The following SCARA3 variants were observed in gnomAD, a reference collection of about 807,000 sequenced individuals.
SCARA3 encodes the protein cellular stress response gene protein.
Under a neutral mutation model 47.0 loss-of-function variants are expected in SCARA3, and 39 were observed. The ratio of observed to expected loss-of-function variants is 0.83; its 90% CI spans 0.64 to 1.08. The LOEUF (loss-of-function observed/expected upper bound fraction) is 1.08. SCARA3 is among the 50% of genes least tolerant of loss of function. SCARA3 has a pLI of 0.00. For synonymous variants in SCARA3, 356 were observed against 334.1 expected (o/e 1.07, Z -0.71); for missense variants, 724 against 792.3 (o/e 0.91, Z 1.04).
rs528248820 is a variant in SCARA3 at position 27,658,864 on chromosome 8, G to T, written c.694G>T (p.Glu232Ter). Residue 232 changes from glutamate to a stop codon, truncating the protein, a stop_gained, in exon 5 of 6, where the codon GAG becomes TAG. Coordinates refer to ENST00000301904, the MANE Select transcript of SCARA3 (RefSeq NM_016240.3). LOFTEE classifies it high-confidence loss of function. ...QINFTVGQTS[E>*]WIHGIQRKTD... ...CAACTTCACCGTGGGGCAGACTTCCGAGTGGATCCACGGGATCCAGCGGAA... is the reference window on the plus strand; with the variant it reads ...CAACTTCACCGTGGGGCAGACTTCCTAGTGGATCCACGGGATCCAGCGGAA... 3 of 1,614,152 alleles carry T rather than the reference G, an allele frequency of 1.9e-6. No individual in the cohort carries two copies. Among genetic ancestry groups the T allele is most frequent in the South Asian group, 2.2e-5 (2 of 91,066 alleles).
chr8:27,731,265 T>G, the SCARA3 span, among the ~76,000 whole-genome samples: 1 of 151,078 alleles, frequency 6.6e-6, no homozygotes, highest in Non-Finnish European at 1.5e-5. Context: ...AATTTTTATA[T>G]TATTATTATT....
chr8:27,703,844 C>CTTTTTTTTTTTTTTTTTTT, the SCARA3 span: 2 of 54,524 alleles, frequency 3.7e-5, no homozygotes, highest in Admixed American at 2.8e-4. Context: ...GTGCTTTCTA[C>CTTTTTTTTTTTTTTTTTTT]TTTTTTTTTT....
intron 5 of SCARA3, among the ~76,000 whole-genome samples, chr8:27,665,470 G>A (rs1356246140): frequency 1.3e-5 from 2 of 152,174 alleles, no homozygotes; most frequent in African/African-American, 4.8e-5. Flanking sequence ...CTATCATTTG[G>A]GAATTGTAGA....
chr8:27,689,677 C>G, the SCARA3 span, among the ~76,000 whole-genome samples: 2 of 152,206 alleles, frequency 1.3e-5, no homozygotes, highest in Non-Finnish European at 2.9e-5. Context: ...TGGGTCCTTG[C>G]AGGGCCCCAG....
the SCARA3 span, among the ~76,000 whole-genome samples, chr8:27,731,229 A>C: frequency 3.3e-5 from 5 of 151,204 alleles, no homozygotes; most frequent in Non-Finnish European, 4.4e-5. Context: ...CCTCCTGAGT[A>C]GCTAGGACTA....
At chr8:27,692,209 C>T in the SCARA3 span, among the ~76,000 whole-genome samples, 1 of 152,038 alleles carries the variant, frequency 6.6e-6, no homozygotes, top group Non-Finnish European at 1.5e-5. Context: ...CACCTGAGGT[C>T]GGGAGTTCGA....
At chr8:27,655,784 T>C (rs576407147) in intron 3 of SCARA3, among the ~76,000 whole-genome samples, 60 of 152,320 alleles carry the variant, frequency 3.9e-4, no homozygotes, top group African/African-American at 1.3e-3. Context: ...TGCTGTATTA[T>C]TTATATAGAG....
intron 1 of SCARA3, among the ~76,000 whole-genome samples, chr8:27,634,586 C>T (rs1256060891): frequency 6.6e-6 from 1 of 152,148 alleles, no homozygotes; most frequent in Non-Finnish European, 1.5e-5. Context: ...TCAGAGAGGC[C>T]CCTGCATCCC....
At chr8:27,700,880 CTA>C in the SCARA3 span, among the ~76,000 whole-genome samples, 1 of 152,230 alleles carries the variant, frequency 6.6e-6, no homozygotes, top group South Asian at 2.1e-4. Context: ...AGGTGATTTC[CTA>C]TAAATCTGAA....
At chr8:27,638,677 T>C (rs1472636323) in intron 1 of SCARA3, among the ~76,000 whole-genome samples, 2 of 152,096 alleles carry the variant, frequency 1.3e-5, no homozygotes, top group Non-Finnish European at 2.9e-5. Context: ...GCTCTGTATG[T>C]CTATATATGT....
intron 1 of SCARA3, 71 bp from the exon 2 acceptor site, chr8:27,649,631 C>A: frequency 1.4e-6 from 2 of 1,403,112 alleles, no homozygotes; most frequent in Non-Finnish European, 2.0e-6. Context: ...GATATGGGGA[C>A]AGGTAAATAA....
At position 27,672,164 on chromosome 8, in the gene SCARA3, C is replaced by T. The variant is rs757586083; in HGVS notation, c.*813C>T. 6.1e-6 allele frequency: 6 copies of T among 985,464 alleles called. No homozygotes were observed. The highest frequency in any genetic ancestry group is 5.2e-4 in the Middle Eastern group (1 of 1,914). 61.0% of individuals were successfully genotyped at this position (985,464 alleles called of 1,614,324 possible). ...TGTCTGTCACAGCACAGTGGGGCCA[C>T]GAGGCTGACATTCTCTGGCCTTGCA... On this transcript the variant is annotated 3_prime_UTR_variant, in exon 6 of 6. Transcript: ENST00000301904.
the SCARA3 span, among the ~76,000 whole-genome samples, chr8:27,684,664 CAAAAAA>C: frequency 1.4e-5 from 2 of 141,498 alleles, no homozygotes; most frequent in Admixed American, 7.0e-5. Context: ...AAGGCTGTGT[CAAAAAA>C]AAAAAAAAGG....
the SCARA3 span, among the ~76,000 whole-genome samples, chr8:27,710,146 CT>C: frequency 6.7e-6 from 1 of 149,852 alleles, no homozygotes; most frequent in Non-Finnish European, 1.5e-5. Flanking sequence ...AGGAGAACTG[CT>C]TGAACCTGGG....
At chr8:27,728,130 G>T in the SCARA3 span, among the ~76,000 whole-genome samples, 1 of 152,236 alleles carries the variant, frequency 6.6e-6, no homozygotes, top group Non-Finnish European at 1.5e-5. Flanking sequence ...TTAGCAAGTG[G>T]TTTCCCTCGA....
chr8:27,669,629 G>A (rs1802099999), intron 5 of SCARA3, among the ~76,000 whole-genome samples: 3 of 152,266 alleles, frequency 2.0e-5, no homozygotes, highest in South Asian at 2.1e-4. Flanking sequence ...GGCAGGCCAC[G>A]TGAGCCATGC....
intron 1 of SCARA3, among the ~76,000 whole-genome samples, chr8:27,636,761 G>A (rs1352050665): frequency 1.3e-5 from 2 of 152,202 alleles, no homozygotes; most frequent in Non-Finnish European, 2.9e-5. Flanking sequence ...CATCACAGGG[G>A]CTGCATGGGC....
chr8:27,709,140 A>G, the SCARA3 span, among the ~76,000 whole-genome samples: 1 of 152,262 alleles, frequency 6.6e-6, no homozygotes, highest in South Asian at 2.1e-4. Context: ...TAATTAAATG[A>G]ACATAGTCTT....
chr8:27,711,891 G>A, the SCARA3 span, among the ~76,000 whole-genome samples: 1 of 152,072 alleles, frequency 6.6e-6, no homozygotes, highest in South Asian at 2.1e-4. Context: ...TGTTATAATT[G>A]ATAAACCAAT....
Sources: gnomAD v4.1 joint callset for allele counts (sites outside exome capture counted in the v4.1 genomes callset) on GRCh38, gnomAD v4.1.1 for gene constraint, MANE v1.5 for transcripts, NCBI Gene and HGNC (gene_info 2026-07-23, HGNC 2026-07-21) for gene names.